Variants in PRPF8 observed in about 807,000 individuals in gnomAD.
PRPF8 encodes pre-mRNA-processing-splicing factor 8.
A neutral mutation model predicts 285.9 loss-of-function variants in PRPF8; 64 were observed. The ratio of observed to expected loss-of-function variants is 0.22; its 90% confidence interval spans 0.18 to 0.28. PRPF8 has a LOEUF of 0.28. PRPF8 is among the 10% of genes least tolerant of loss of function. The pLI is 1.00. For missense variants in PRPF8, 1,426 were observed against 3,026.7 expected, an observed-to-expected ratio of 0.47 and a Z score of 12.41; for synonymous variants, 1,325 against 1,118.2, an observed-to-expected ratio of 1.18 and a Z score of -3.69.
chr17:1,667,685 A>G (rs2151121161), intron 24 of PRPF8, among the ~76,000 whole-genome samples: 1 of 152,086 alleles, frequency 6.6e-6, no homozygotes, highest in South Asian at 2.1e-4. Context: ...CTGGGACTAC[A>G]GACATGTGCC....
rs1316512109 is a variant in PRPF8, at chr17:1,659,884, A to C, written c.4903T>G (p.Tyr1635Asp). Residue 1635 changes from tyrosine to aspartate, a missense_variant, in exon 31 of 43, where the codon TAT (tyrosine) becomes GAT (aspartate). Tyr to Asp is a radical substitution (Grantham distance 160). This residue lies in a region of PRPF8 where 74 missense variants were observed against 161.8 expected (regional missense o/e 0.46). Coordinates refer to ENST00000304992, the MANE Select transcript of PRPF8 (RefSeq NM_006445.4). This position sits in a 1 kb window ranked among gnomAD's most constrained non-coding sequence, Gnocchi z 5.1. Reference sequence around the variant, plus strand: ...GAGGGCCGGGAGACATTCCACTTATAGGAGGCAAAGAGCAGGATATCTGCA... The same window carrying C: ...GAGGGCCGGGAGACATTCCACTTATCGGAGGCAAAGAGCAGGATATCTGCA... ...SCADILLFAS[Y>D]KWNVSRPSLL... 6.2e-7 allele frequency: 1 copy of C among 1,614,212 alleles called. No homozygotes were observed. The highest frequency in any genetic ancestry group is 8.5e-7 in the Non-Finnish European group (1 of 1,180,030).
Position 1,654,424 on chromosome 17 carries a change from G to A in PRPF8, c.5988-408C>T, listed in dbSNP as rs1375753709. The stretch of plus-strand genomic sequence containing the variant: ...GAGGGAGACGAGGGGAGGAAGGTGT[G>A]TGTGTGTGTTGGCAGCAGTCTCGGA... On this transcript the variant is annotated intron_variant, in intron 37 of 42. Transcript: ENST00000304992. The A allele has an allele frequency of 2.3e-5, 8 of 353,874 alleles. No homozygotes were observed. The Admixed American group carries it at 3.3e-4, about 15-fold the overall frequency. The allele number at this position is 353,874 out of a possible 1,614,324, so 21.9% of individuals were successfully genotyped here.
In PRPF8 at chr17:1,673,469, T is replaced by C; in HGVS notation, c.3545A>G (p.Asn1182Ser). Reference protein sequence around the residue: ...NSFVSVYSKDNPNLLFNMCGF... With the variant: ...NSFVSVYSKDSPNLLFNMCGF... ...ACACATGTTGAACAGCAGGTTGGGG[T>C]TGTCCTTACTGTACACAGACACGAA... The change falls in exon 23 of 43, where the codon AAC (asparagine) becomes AGC (serine). Residue 1182 changes from asparagine (N) to serine (S), a missense_variant. Asn to Ser is a conservative substitution (Grantham distance 46). Around this residue, in one of 34 missense-constraint regions of PRPF8, gnomAD observed 148 missense variants for 196.2 expected, o/e 0.75. Transcript: ENST00000304992. The surrounding 1 kb of genome is among the most constrained non-coding windows in gnomAD (Gnocchi z 5.5). The C allele has an allele frequency of 1.9e-6, 3 of 1,613,804 alleles. No homozygotes were observed. The highest frequency in any genetic ancestry group is 2.2e-5 in the East Asian group (1 of 44,882).
intron 36 of PRPF8, 144 bp from the exon 37 acceptor site, chr17:1,655,687 C>T: frequency 1.4e-6 from 1 of 707,810 alleles, no homozygotes; most frequent in Non-Finnish European, 2.4e-6. Context: ...AGTGCAGTGG[C>T]ATGATCTCGG....
intron 34 of PRPF8, 149 bp from the exon 35 acceptor site, chr17:1,656,910 C>G: frequency 1.3e-6 from 1 of 788,966 alleles, no homozygotes; most frequent in Admixed American, 2.0e-5. Flanking sequence ...CAAAGAGTAT[C>G]AAATGGCCGT....
In PRPF8 at chr17:1,679,222, G is replaced by A. The variant is rs1912770690; in HGVS notation, c.1410-16C>T. 3.1e-6 allele frequency: 5 copies of A among 1,614,242 alleles called. No individual in the cohort carries two copies. Among genetic ancestry groups the A allele is most frequent in the Non-Finnish European group, 4.2e-6 (5 of 1,180,048 alleles). Reference sequence around the variant, plus strand: ...GAACAAATACCTGAGGTGGGAACATGGAGAGTAAGAGTCAGCCTACTGATA... The same window carrying A: ...GAACAAATACCTGAGGTGGGAACATAGAGAGTAAGAGTCAGCCTACTGATA... On this transcript the variant is annotated splice_polypyrimidine_tract_variant and intron_variant, in intron 10 of 42. Transcript: ENST00000304992. This position sits in a 1 kb window ranked among gnomAD's most constrained non-coding sequence, Gnocchi z 4.7.
intron 2 of PRPF8, 152 bp from the exon 3 acceptor site, chr17:1,683,853 C>T: frequency 1.1e-6 from 1 of 882,616 alleles, no homozygotes; most frequent in South Asian, 1.5e-5. Flanking sequence ...CCATTTTACT[C>T]TGTTTTTCCT....
chr17:1,655,336 C>A lies in PRPF8; in HGVS notation c.5987+14G>T. Reference sequence around the variant, plus strand: ...TATAGACCTCCTGTCTGTGTCCCCACCAGCACTGCTCACTTGTTTTTCTTG... The same window carrying A: ...TATAGACCTCCTGTCTGTGTCCCCAACAGCACTGCTCACTTGTTTTTCTTG... On this transcript the variant is annotated intron_variant, in intron 37 of 42. Transcript: ENST00000304992. 1 of 1,612,700 alleles carries A rather than the reference C, an allele frequency of 6.2e-7. No individual in the cohort carries two copies. The highest frequency in any genetic ancestry group is 2.2e-5 in the East Asian group (1 of 44,878).
chr17:1,659,951 C>T lies in PRPF8; in HGVS notation c.4836G>A (p.Glu1612=). The T allele has an allele frequency of 1.2e-6, 2 of 1,614,092 alleles. No homozygotes were observed. Among genetic ancestry groups the T allele is most frequent in the Non-Finnish European group, 1.7e-6 (2 of 1,179,956 alleles). The change falls in exon 31 of 43, where the codon GAG becomes GAA. Residue 1612 remains glutamate, a synonymous_variant. Transcript: ENST00000304992. The surrounding 1 kb of genome is among the most constrained non-coding windows in gnomAD (Gnocchi z 5.1). ...TATATGACTTTCGGGGATGGATTGT[C>T]TCCTTTTGTACTGTCTCAATTTCCA... ...DALEIETVQK[E]TIHPRKSYKM...
chr17:1,684,799 G>C lies in PRPF8; in HGVS notation c.-31C>G, dbSNP rs1027639651. 3 of 599,782 alleles carry C rather than the reference G, an allele frequency of 5.0e-6. No homozygotes were observed. The highest frequency in any genetic ancestry group is 8.9e-6 in the Non-Finnish European group (3 of 335,438). 37.2% of individuals were successfully genotyped at this position (599,782 alleles called of 1,614,324 possible). On this transcript the variant is annotated 5_prime_UTR_variant, in exon 1 of 43. Transcript: ENST00000304992. ...ACGCACCCCACAGGCCCTCACACAA[G>C]AGGCCGCTTTCCCCGCAGCGCAATG...
rs941135492 is a variant in PRPF8, at chr17:1,651,400, G to A, written c.6650+14C>T. The A allele has an allele frequency of 1.6e-5, 26 of 1,613,936 alleles. No homozygotes were observed. Among genetic ancestry groups the A allele is most frequent in the East Asian group, 4.5e-5 (2 of 44,884 alleles). ...CTGCCCCACCATACTTCCTCCCAAGGAGCCCAGGCCCACCTGCATGTGATG... is the reference window on the plus strand; with the variant it reads ...CTGCCCCACCATACTTCCTCCCAAGAAGCCCAGGCCCACCTGCATGTGATG... On this transcript the variant is annotated intron_variant, in intron 41 of 42. Transcript: ENST00000304992. This position sits in a 1 kb window ranked among gnomAD's most constrained non-coding sequence, Gnocchi z 5.1.
rs780532961 is a variant in PRPF8, at chr17:1,660,413, C to G, written c.4785+19G>C. 1 of 1,613,584 alleles carries G rather than the reference C, an allele frequency of 6.2e-7. No individual in the cohort carries two copies. The highest frequency in any genetic ancestry group is 8.5e-7 in the Non-Finnish European group (1 of 1,180,054). ...GAGCTGACTCTCTACAGTACCCTCT[C>G]CCCTCGATTCCAGCCCACCTGACAT... On this transcript the variant is annotated intron_variant, in intron 30 of 42. Coordinates refer to ENST00000304992, the MANE Select transcript of PRPF8 (RefSeq NM_006445.4).
chr17:1,683,839 C>A, intron 2 of PRPF8, 138 bp from the exon 3 acceptor site: 1 of 996,012 alleles, frequency 1.0e-6, no homozygotes. Context: ...TGCCAATTCC[C>A]TTACCATTTT....
chr17:1,650,894 G>C lies in PRPF8; in HGVS notation c.6916C>G (p.His2306Asp). The change falls in exon 43 of 43, where the codon CAC (histidine) becomes GAC (aspartate). Residue 2306 changes from histidine (H) to aspartate (D), a missense_variant. Around this residue, in one of 34 missense-constraint regions of PRPF8, gnomAD observed 59 missense variants for 58.6 expected, o/e 1.01. Transcript: ENST00000304992. ...LQLANPKEFYHEVHRPSHFLN... is the reference protein window; with the variant it reads ...LQLANPKEFYDEVHRPSHFLN... ...AAGTGAGAGGGCCTGTGCACCTCGTGGTAGAACTCTTTGGGGTTCGCCAGC... is the reference window on the plus strand; with the variant it reads ...AAGTGAGAGGGCCTGTGCACCTCGTCGTAGAACTCTTTGGGGTTCGCCAGC... 6.2e-7 allele frequency: 1 copy of C among 1,614,154 alleles called. No individual in the cohort carries two copies. Among genetic ancestry groups the C allele is most frequent in the African/African-American group, 1.3e-5 (1 of 75,028 alleles).
chr17:1,659,005 G>C lies in PRPF8; in HGVS notation c.5139-242C>G. 1 of 600,682 alleles carries C rather than the reference G, an allele frequency of 1.7e-6. No homozygotes were observed. The highest frequency in any genetic ancestry group is 2.9e-6 in the Non-Finnish European group (1 of 340,764). 37.2% of individuals were successfully genotyped at this position (600,682 alleles called of 1,614,324 possible). On this transcript the variant is annotated intron_variant, in intron 32 of 42. Transcript: ENST00000304992. The surrounding 1 kb of genome is among the most constrained non-coding windows in gnomAD (Gnocchi z 5.1). ...AGTATGGAGCTAATGGAAAATACAC[G>C]GATTATTTATTTATTTATTATTATT...
In PRPF8 at chr17:1,673,148, G is replaced by A. The variant is rs1173130414; in HGVS notation, c.3707C>T (p.Ser1236Leu). ...CACGCGGTTGTGGAAGCGCTGCATT[G>A]ACTCATCGTCCACACGCAGGAAACA... ...AQCFLRVDDE[S>L]MQRFHNRVRQ... The change falls in exon 24 of 43, where the codon TCA becomes TTA. Residue 1236 changes from serine to leucine, a missense_variant. By Grantham distance (145) the Ser-to-Leu change is moderately radical. This residue lies in a region of PRPF8 where 18 missense variants were observed against 20.6 expected (regional missense o/e 0.87). Coordinates refer to ENST00000304992, the MANE Select transcript of PRPF8 (RefSeq NM_006445.4). The surrounding 1 kb of genome is among the most constrained non-coding windows in gnomAD (Gnocchi z 5.5). The A allele has an allele frequency of 6.2e-7, 1 of 1,614,102 alleles. No homozygotes were observed. Among genetic ancestry groups the A allele is most frequent in the Non-Finnish European group, 8.5e-7 (1 of 1,180,046 alleles).
chr17:1,658,798 G>A lies in PRPF8; in HGVS notation c.5139-35C>T, dbSNP rs780398984. 6.4e-6 allele frequency: 10 copies of A among 1,573,232 alleles called. No individual in the cohort carries two copies. The highest frequency in any genetic ancestry group is 2.7e-5 in the African/African-American group (2 of 73,994). On this transcript the variant is annotated intron_variant, in intron 32 of 42. Transcript: ENST00000304992. The surrounding 1 kb of genome is among the most constrained non-coding windows in gnomAD (Gnocchi z 4.1). Reference sequence around the variant, plus strand: ...TAAAAGGGTCAAGAAAAGTTAAGACGAGAATGACAGCCCCAGAAACAAGAC... The same window carrying A: ...TAAAAGGGTCAAGAAAAGTTAAGACAAGAATGACAGCCCCAGAAACAAGAC...
At position 1,680,924 on chromosome 17, in the gene PRPF8, C is replaced by T. The variant is rs1912883399; in HGVS notation, c.992+5G>A. On this transcript the variant is annotated splice_donor_5th_base_variant and intron_variant, in intron 7 of 42. Coordinates refer to ENST00000304992, the MANE Select transcript of PRPF8 (RefSeq NM_006445.4). ...TTTCCAAATGTTGTGTTCCAGGTCT[C>T]TTACCAGGTGAGGTGGACATGGTGT... The T allele has an allele frequency of 1.2e-6, 2 of 1,614,034 alleles. No individual in the cohort carries two copies. Among genetic ancestry groups the T allele is most frequent in the African/African-American group, 1.3e-5 (1 of 74,900 alleles).
In PRPF8 at chr17:1,675,511, A is replaced by G; in HGVS notation, c.2872+109T>C. On this transcript the variant is annotated intron_variant, in intron 19 of 42. Transcript: ENST00000304992. This position sits in a 1 kb window ranked among gnomAD's most constrained non-coding sequence, Gnocchi z 6.0. ...TTTAACACGAACACTACTTCCCTTTACTACCACGCATCAAGAGAGTAAACC... is the reference window on the plus strand; with the variant it reads ...TTTAACACGAACACTACTTCCCTTTGCTACCACGCATCAAGAGAGTAAACC... The G allele has an allele frequency of 6.7e-7, 1 of 1,485,792 alleles. No individual in the cohort carries two copies. Among genetic ancestry groups the G allele is most frequent in the Non-Finnish European group, 9.4e-7 (1 of 1,066,262 alleles). 92.0% of individuals were successfully genotyped at this position (1,485,792 alleles called of 1,614,324 possible). A position where few individuals can be genotyped will look rare whatever the true frequency, so the allele number is the denominator to read the frequency against.
Sources: allele counts gnomAD v4.1 joint callset (sites outside exome capture counted in the v4.1 genomes callset), GRCh38; gene constraint gnomAD v4.1.1; regional missense constraint gnomAD v4.1.1; non-coding constraint Gnocchi (gnomAD v3.1); transcripts MANE v1.5; gene names NCBI Gene and HGNC (gene_info 2026-07-23, HGNC 2026-07-21).